Variants in SEC14L1 observed in about 807,000 individuals in gnomAD.
SEC14L1 encodes SEC14 like lipid binding 1, also known as SEC14-like protein 1.
SEC14L1 carries 48 observed loss-of-function variants against 85.3 expected under a neutral mutation model. The ratio of observed to expected loss-of-function variants is 0.56; its 90% CI spans 0.45 to 0.72. The LOEUF (loss-of-function observed/expected upper bound fraction) is 0.72, where lower values mean the gene tolerates loss of function less well. SEC14L1 is among the 30% of genes least tolerant of loss of function. The pLI, the probability that SEC14L1 is intolerant of heterozygous loss-of-function variation, is 0.00. For synonymous variants in SEC14L1, 391 were observed against 355.5 expected (o/e 1.10, Z -1.12); for missense variants, 682 against 921.4 (o/e 0.74, Z 3.36).
At chr17:77,133,456 G>T (rs1915703122) in intron 3 of SEC14L1, among the ~76,000 whole-genome samples, 1 of 152,198 alleles carries the variant, frequency 6.6e-6, no homozygotes, top group African/African-American at 2.4e-5. Context: ...AAGTGGAACG[G>T]CAGCTTCAGA....
At chr17:77,103,380 C>T (rs1177650192) in intron 3 of SEC14L1, among the ~76,000 whole-genome samples, 3 of 150,880 alleles carry the variant, frequency 2.0e-5, no homozygotes, top group Non-Finnish European at 4.4e-5. Context: ...CCCAAAGTCC[C>T]GGGATTACAG....
chr17:77,106,768 T>C (rs983400538), intron 3 of SEC14L1, among the ~76,000 whole-genome samples: 2 of 151,690 alleles, frequency 1.3e-5, no homozygotes, highest in African/African-American at 4.8e-5. Flanking sequence ...GCCCAGGAAG[T>C]TGAGGCTGCA....
Position 77,216,695 on chromosome 17 carries a change from T to A in SEC14L1, c.*2672T>A. On this transcript the variant is annotated 3_prime_UTR_variant, in exon 17 of 17. Transcript: ENST00000436233. ...TGTTCTTTTTAAGTTGATTCGGGAGTGGCATTCTTTTATACCCAAAGACTG... is the reference window on the plus strand; with the variant it reads ...TGTTCTTTTTAAGTTGATTCGGGAGAGGCATTCTTTTATACCCAAAGACTG... The A allele has an allele frequency of 1.3e-6, 2 of 1,532,608 alleles. No individual in the cohort carries two copies. The highest frequency in any genetic ancestry group is 1.1e-5 in the South Asian group (1 of 87,090). The allele number at this position is 1,532,608 out of a possible 1,614,324, so 94.9% of individuals were successfully genotyped here.
chr17:77,159,955 CT>C (rs1056383359), intron 3 of SEC14L1, among the ~76,000 whole-genome samples: 2 of 152,112 alleles, frequency 1.3e-5, no homozygotes, highest in Admixed American at 6.5e-5. Context: ...ACCCTACCCC[CT>C]GTTAAGTGTT....
chr17:77,107,430 G>GA (rs1424296774), intron 3 of SEC14L1, among the ~76,000 whole-genome samples: 2 of 151,916 alleles, frequency 1.3e-5, no homozygotes, highest in African/African-American at 2.4e-5. Flanking sequence ...TCAAACTAAT[G>GA]AAAAATGGAA....
intron 3 of SEC14L1, among the ~76,000 whole-genome samples, chr17:77,177,680 T>C (rs578248720): frequency 2.6e-5 from 4 of 152,262 alleles, no homozygotes; most frequent in African/African-American, 9.6e-5. Context: ...TAGATCTGAA[T>C]AGTAGTCTTG....
intron 3 of SEC14L1, among the ~76,000 whole-genome samples, chr17:77,144,464 G>C (rs1239686317): frequency 6.6e-6 from 1 of 152,142 alleles, no homozygotes; most frequent in Non-Finnish European, 1.5e-5. Flanking sequence ...ACCTGTTTCT[G>C]TTCCTTCTAT....
intron 3 of SEC14L1, among the ~76,000 whole-genome samples, chr17:77,096,082 A>G (rs1412477847): frequency 6.9e-6 from 1 of 145,010 alleles, no homozygotes; most frequent in Non-Finnish European, 1.5e-5. Context: ...TTTTAAATAG[A>G]GATGAGGTCT....
At chr17:77,165,174 A>G (rs1432465518) in intron 3 of SEC14L1, among the ~76,000 whole-genome samples, 6 of 152,218 alleles carry the variant, frequency 3.9e-5, no homozygotes, top group Admixed American at 3.9e-4. Flanking sequence ...TAGTATACGT[A>G]GCTAATCAAT....
intron 3 of SEC14L1, among the ~76,000 whole-genome samples, chr17:77,147,897 A>G (rs1973383144): frequency 6.6e-6 from 1 of 152,128 alleles, no homozygotes; most frequent in African/African-American, 2.4e-5. Context: ...GTTTTAACCA[A>G]AGGGCTGCTC....
chr17:77,133,569 C>T (rs1236070132), intron 3 of SEC14L1, among the ~76,000 whole-genome samples: 1 of 152,154 alleles, frequency 6.6e-6, no homozygotes, highest in Non-Finnish European at 1.5e-5. Flanking sequence ...TATGTGTAGC[C>T]TTTACGCGGC....
chr17:77,092,883 G>T (rs995064330), intron 2 of SEC14L1, among the ~76,000 whole-genome samples: 11 of 150,368 alleles, frequency 7.3e-5, no homozygotes, highest in Admixed American at 6.0e-4. Context: ...GGGAGGCGGA[G>T]GTTGCGGTGA....
At chr17:77,170,766 C>T (rs192854137) in intron 3 of SEC14L1, among the ~76,000 whole-genome samples, 43 of 152,228 alleles carry the variant, frequency 2.8e-4, no homozygotes, top group African/African-American at 1.0e-3. Flanking sequence ...TCTACTTTTC[C>T]TGATGAGGGT....
chr17:77,206,040 C>T lies in SEC14L1; in HGVS notation c.1170-189C>T, dbSNP rs1976447739. Reference sequence around the variant, plus strand: ...AGTTTCAGGCCTTGGTCCTACCACACTGATCCTGTGTGTTTTGTACAAGTA... The same window carrying T: ...AGTTTCAGGCCTTGGTCCTACCACATTGATCCTGTGTGTTTTGTACAAGTA... On this transcript the variant is annotated intron_variant, in intron 11 of 16. Coordinates refer to ENST00000436233, the MANE Select transcript of SEC14L1 (RefSeq NM_001143998.2). The surrounding 1 kb of genome is among the most constrained non-coding windows in gnomAD (Gnocchi z 4.3). Among the ~76,000 whole-genome samples the T allele has an allele frequency of 6.6e-6, 1 of 152,178 alleles. No individual in the cohort carries two copies. The highest frequency in any genetic ancestry group is 2.1e-4 in the South Asian group (1 of 4,826).
At chr17:77,136,273 C>T (rs1972796752), upstream of SEC14L1, among the ~76,000 whole-genome samples, 2 of 149,086 alleles carry the variant, frequency 1.3e-5, no homozygotes, top group African/African-American at 4.9e-5. Context: ...CTCTCTTTTT[C>T]TCTCTCTCTT....
chr17:77,095,888 G>A (rs1013540668), intron 3 of SEC14L1, among the ~76,000 whole-genome samples: 3 of 152,050 alleles, frequency 2.0e-5, no homozygotes, highest in Non-Finnish European at 2.9e-5. Flanking sequence ...AGTAATGGGC[G>A]CGCTCCTCCT....
At chr17:77,120,397 TG>T (rs1464458255) in intron 3 of SEC14L1, among the ~76,000 whole-genome samples, 1 of 151,706 alleles carries the variant, frequency 6.6e-6, no homozygotes, top group African/African-American at 2.4e-5. Flanking sequence ...AACGTCGCTG[TG>T]TGTCTGCGTG....
intron 14 of SEC14L1, 191 bp from the exon 15 acceptor site, chr17:77,211,759 G>A: frequency 1.5e-6 from 1 of 688,858 alleles, no homozygotes; most frequent in Non-Finnish European, 2.4e-6. Context: ...TGCATGACAT[G>A]TAGCAGGATC....
At position 77,216,823 on chromosome 17, in the gene SEC14L1, A is replaced by G. The variant is rs1977124141; in HGVS notation, c.*2800A>G. 1 of 560,024 alleles carries G rather than the reference A, an allele frequency of 1.8e-6. No homozygotes were observed. Among genetic ancestry groups the G allele is most frequent in the East Asian group, 3.3e-5 (1 of 29,882 alleles). 34.7% of individuals were successfully genotyped at this position (560,024 alleles called of 1,614,324 possible). A position where few individuals can be genotyped will look rare whatever the true frequency, so the allele number is the denominator to read the frequency against. ...TCCCCTTGTAAGGGAATTCTGGGGC[A>G]GCTATGGTTTGAGTATGCAGTTTGC... On this transcript the variant is annotated 3_prime_UTR_variant, in exon 17 of 17. Transcript: ENST00000436233.
Sources: gnomAD v4.1 joint callset for allele counts (sites outside exome capture counted in the v4.1 genomes callset) on GRCh38, gnomAD v4.1.1 for gene constraint, Gnocchi (gnomAD v3.1) non-coding constraint, MANE v1.5 for transcripts, NCBI Gene and HGNC (gene_info 2026-07-23, HGNC 2026-07-21) for gene names.